CYP24A1: variants seen among roughly 807,000 people sequenced by gnomAD.
CYP24A1 encodes the protein 1,25-dihydroxyvitamin D(3) 24-hydroxylase, mitochondrial.
A neutral mutation model predicts 62.4 loss-of-function variants in CYP24A1; 68 were observed. The observed-to-expected ratio is 1.09, with a 90% CI of 0.90 to 1.33. The LOEUF is 1.33. Ranked by LOEUF, CYP24A1 falls within the 40% of genes most tolerant of loss-of-function variation. The probability of loss-of-function intolerance (pLI) is 0.00; values close to 1 mark genes in which losing one functional copy is unlikely to be tolerated. For synonymous variants in CYP24A1, 267 were observed against 253.0 expected, an observed-to-expected ratio of 1.06 and a Z score of -0.52; for missense variants, 787 against 653.0, an observed-to-expected ratio of 1.21 and a Z score of -2.24.
intron 7 of CYP24A1, among the ~76,000 whole-genome samples, chr20:54,161,882 A>G (rs377223584): frequency 3.3e-5 from 5 of 152,332 alleles, no homozygotes; most frequent in African/African-American, 1.2e-4. Flanking sequence ...GGGGAAGCAC[A>G]TGGAAAATAA....
the CYP24A1 span, among the ~76,000 whole-genome samples, chr20:54,146,261 T>A: frequency 6.6e-6 from 1 of 152,204 alleles, no homozygotes; most frequent in Non-Finnish European, 1.5e-5. Context: ...CAGAATATAT[T>A]GTATATCGGA....
intron 5 of CYP24A1, among the ~76,000 whole-genome samples, chr20:54,165,421 G>A (rs1349283610): frequency 6.6e-6 from 1 of 152,188 alleles, no homozygotes; most frequent in Non-Finnish European, 1.5e-5. Context: ...ACATTATGGT[G>A]AGTATATAAT....
intron 4 of CYP24A1, among the ~76,000 whole-genome samples, chr20:54,166,319 C>T (rs2244719): frequency 0.6 from 91,901 of 151,988 alleles, 28,686 homozygotes; most frequent in East Asian, 0.86. Context: ...GGTTTTTTTT[C>T]CTTCCATTTC....
chr20:54,146,300 G>A, the CYP24A1 span, among the ~76,000 whole-genome samples: 14 of 151,982 alleles, frequency 9.2e-5, no homozygotes, highest in Admixed American at 7.9e-4. Context: ...TCCCTTTTCC[G>A]GCACCCTTGG....
At chr20:54,144,216 C>CTT in the CYP24A1 span, among the ~76,000 whole-genome samples, 144 of 141,780 alleles carry the variant, frequency 1.0e-3, 1 homozygote, top group African/African-American at 3.5e-3. Flanking sequence ...CTCTTTCTTT[C>CTT]TTTTTTTTTT....
downstream of CYP24A1, among the ~76,000 whole-genome samples, chr20:54,148,845 G>T (rs1283292275): frequency 6.6e-6 from 1 of 152,150 alleles, no homozygotes; most frequent in Non-Finnish European, 1.5e-5. Flanking sequence ...CTGACAGCAC[G>T]ACTGTAATCT....
In CYP24A1 at chr20:54,171,544, G is replaced by A. The variant is rs371897112; in HGVS notation, c.543+33C>T. Reference sequence around the variant, plus strand: ...TCCACCAATATCCCTATGTCCCCACGAGCCCCAGGAAAGCTGGCCCCAGCC... The same window carrying A: ...TCCACCAATATCCCTATGTCCCCACAAGCCCCAGGAAAGCTGGCCCCAGCC... On this transcript the variant is annotated intron_variant, in intron 3 of 11. Transcript: ENST00000216862. The A allele has an allele frequency of 2.6e-4, 421 of 1,613,426 alleles. 1 individual carries two copies. Among genetic ancestry groups the A allele is most frequent in the Non-Finnish European group, 3.4e-4 (403 of 1,179,808 alleles).
intron 11 of CYP24A1, among the ~76,000 whole-genome samples, chr20:54,156,875 C>A (rs570568016): frequency 6.6e-6 from 1 of 152,280 alleles, no homozygotes; most frequent in Non-Finnish European, 1.5e-5. Context: ...CCTTACTATT[C>A]ACATGCAAAA....
At chr20:54,151,414 T>G (rs759106662), downstream of CYP24A1, among the ~76,000 whole-genome samples, 23 of 152,048 alleles carry the variant, frequency 1.5e-4, no homozygotes, top group Non-Finnish European at 2.8e-4. Context: ...AACCCAATGG[T>G]CTAATCATGG....
intron 7 of CYP24A1, among the ~76,000 whole-genome samples, chr20:54,160,738 A>G (rs893414516): frequency 2.0e-5 from 3 of 152,258 alleles, no homozygotes; most frequent in African/African-American, 7.2e-5. Flanking sequence ...ATTTAACCAT[A>G]TCAGTGAGTC....
At position 54,173,464 on chromosome 20, in the gene CYP24A1, CGCG is replaced by C. The variant is rs1268158737; in HGVS notation, c.113_115del (p.Pro38del). ...TGTCAGCGGGCAGACTGGCACCTCT[CGCG>C]GCTGAGGGGACGTGTACGCCGTAGA... On this transcript the variant is annotated inframe_deletion, in exon 1 of 12. Coordinates refer to ENST00000216862, the MANE Select transcript of CYP24A1 (RefSeq NM_000782.5). This position sits in a 1 kb window ranked among gnomAD's most constrained non-coding sequence, Gnocchi z 7.2. 1.6e-5 allele frequency: 25 copies of C among 1,566,750 alleles called. No homozygotes were observed. Among genetic ancestry groups the C allele is most frequent in the Non-Finnish European group, 1.9e-5 (22 of 1,155,964 alleles).
At position 54,157,253 on chromosome 20, in the gene CYP24A1, C is replaced by G; in HGVS notation, c.1471G>C (p.Glu491Gln). 6.2e-7 allele frequency: 1 copy of G among 1,612,794 alleles called. No homozygotes were observed. The change falls in exon 11 of 12, where the codon GAG (glutamate) becomes CAG (glutamine). Residue 491 changes from glutamate to glutamine, a missense_variant. Glu to Gln is a conservative substitution (Grantham distance 29). Transcript: ENST00000216862. The stretch of plus-strand genomic sequence containing the variant: ...CCTGAGTGTAGCATCTCAACAGGCT[C>G]ATTGTCTGTGGCCTGGATGTCGTAT... ...RKYDIQATDNEPVEMLHSGTL... is the reference protein window; with the variant it reads ...RKYDIQATDNQPVEMLHSGTL...
chr20:54,157,655 A>G, intron 9 of CYP24A1, 70 bp from the exon 10 acceptor site: 1 of 917,916 alleles, frequency 1.1e-6, no homozygotes, highest in Non-Finnish European at 1.8e-6. Context: ...AAATTGACAC[A>G]AGTTGTCACC....
chr20:54,159,412 T>C (rs1436259573), intron 7 of CYP24A1, among the ~76,000 whole-genome samples: 1 of 151,638 alleles, frequency 6.6e-6, no homozygotes, highest in Non-Finnish European at 1.5e-5. Flanking sequence ...TTTTTTTTTT[T>C]GAGATGGAGT....
At chr20:54,172,842 C>G in intron 2 of CYP24A1, 67 bp downstream of exon 2, 1 of 1,609,300 alleles carries the variant, frequency 6.2e-7, no homozygotes, top group Non-Finnish European at 8.5e-7. Context: ...CGCCTCTTCA[C>G]AATTTCCAGG....
At chr20:54,162,979 C>G in intron 6 of CYP24A1, 117 bp from the exon 7 acceptor site, 1 of 743,542 alleles carries the variant, frequency 1.3e-6, no homozygotes. Flanking sequence ...TTTTCAGGAA[C>G]ACTGACAATT....
chr20:54,162,231 T>A (rs980855877), intron 7 of CYP24A1, among the ~76,000 whole-genome samples: 2 of 64,494 alleles, frequency 3.1e-5, no homozygotes, highest in Non-Finnish European at 4.4e-5. Flanking sequence ...TTTTTTTTTT[T>A]TTTTTTTTTT....
chr20:54,169,785 G>T (rs1040582550), intron 3 of CYP24A1, 97 bp from the exon 4 acceptor site: 1 of 1,572,286 alleles, frequency 6.4e-7, no homozygotes, highest in Non-Finnish European at 8.6e-7. Flanking sequence ...TTGCTACATC[G>T]CATATTCACT....
Position 54,169,480 on chromosome 20 carries a change from C to A in CYP24A1, c.640+112G>T, listed in dbSNP as rs1164294567. 13 of 1,571,996 alleles carry A rather than the reference C, an allele frequency of 8.3e-6. No individual in the cohort carries two copies. In the African/African-American group the frequency reaches 1.4e-4, roughly 16 times the overall value. ...AGAAGCATTAAAAGGGCTGCTCTGG[C>A]CTTTCCCTAGGCAGCAATAATGCCT... On this transcript the variant is annotated intron_variant, in intron 4 of 11. Coordinates refer to ENST00000216862, the MANE Select transcript of CYP24A1 (RefSeq NM_000782.5).
Sources: gnomAD v4.1 joint callset for allele counts (sites outside exome capture counted in the v4.1 genomes callset) on GRCh38, gnomAD v4.1.1 for gene constraint, Gnocchi (gnomAD v3.1) non-coding constraint, MANE v1.5 for transcripts, NCBI Gene and HGNC (gene_info 2026-07-23, HGNC 2026-07-21) for gene names.